Variants in LMX1A observed in about 807,000 individuals in gnomAD.
LMX1A encodes the protein LIM homeobox transcription factor 1 alpha.
Under a neutral mutation model 49.1 loss-of-function variants are expected in LMX1A, and 15 were observed. The ratio of observed to expected loss-of-function variants is 0.31; its 90% confidence interval spans 0.20 to 0.47. LMX1A has a LOEUF of 0.47. LMX1A is among the 20% of genes least tolerant of loss of function. The pLI is 1.00. For synonymous variants in LMX1A, 167 were observed against 185.7 expected (o/e 0.90, Z 0.82); for missense variants, 372 against 475.8 (o/e 0.78, Z 2.03).
intron 7 of LMX1A, chr1:165,207,716 A>G: frequency 1.1e-5 from 3 of 275,936 alleles, no homozygotes; most frequent in Non-Finnish European, 1.3e-5. Flanking sequence ...GGTGTCTTCT[A>G]TTAAATCAAT....
rs114712463 is a variant in LMX1A, at chr1:165,347,647, A to G, written c.263+5429T>C. ...ATTATTTTTAAATCTTTCCCTGTGG[A>G]TGTGATTGCACTTTTTTCTTCATAA... On this transcript the variant is annotated intron_variant, in intron 3 of 8. Coordinates refer to ENST00000342310, the MANE Select transcript of LMX1A (RefSeq NM_177398.4). Among the ~76,000 whole-genome samples, 474 of 152,362 alleles carry G rather than the reference A, an allele frequency of 3.1e-3. 7 individuals are homozygous for G. Among genetic ancestry groups the G allele is most frequent in the African/African-American group, 0.011 (454 of 41,584 alleles).
intron 3 of LMX1A, among the ~76,000 whole-genome samples, chr1:165,309,563 C>A (rs1051769311): frequency 6.6e-6 from 1 of 152,206 alleles, no homozygotes; most frequent in Non-Finnish European, 1.5e-5. Flanking sequence ...CATCTCCAGC[C>A]AAGATCTGCC....
intron 3 of LMX1A, among the ~76,000 whole-genome samples, chr1:165,285,671 T>C (rs923133567): frequency 6.6e-6 from 1 of 152,224 alleles, no homozygotes; most frequent in African/African-American, 2.4e-5. Flanking sequence ...CTCAGCCTGA[T>C]GGACTAGGGC....
intron 3 of LMX1A, among the ~76,000 whole-genome samples, chr1:165,334,629 T>C (rs1179621118): frequency 7.3e-6 from 1 of 136,360 alleles, no homozygotes; most frequent in South Asian, 2.6e-4. Context: ...ATGAGGAAGC[T>C]AAATACTGTG....
chr1:165,252,304 T>C (rs1304304384), intron 3 of LMX1A, among the ~76,000 whole-genome samples: 2 of 152,220 alleles, frequency 1.3e-5, no homozygotes, highest in Non-Finnish European at 2.9e-5. Flanking sequence ...TGACACATAA[T>C]AGATATCCAA....
intron 3 of LMX1A, among the ~76,000 whole-genome samples, chr1:165,260,109 G>A (rs571363720): frequency 4.1e-4 from 63 of 152,186 alleles, no homozygotes; most frequent in Admixed American, 1.0e-3. Context: ...CTTTTAGGGA[G>A]TTAAGGTTTG....
At chr1:165,272,894 G>A (rs890217342) in intron 3 of LMX1A, among the ~76,000 whole-genome samples, 6 of 152,180 alleles carry the variant, frequency 3.9e-5, no homozygotes, top group African/African-American at 1.4e-4. Flanking sequence ...GAGGAAGTAA[G>A]GACTTAGATC....
In LMX1A at chr1:165,355,781, T is replaced by C; in HGVS notation, c.-22-200A>G. 1 of 583,910 alleles carries C rather than the reference T, an allele frequency of 1.7e-6. No individual in the cohort carries two copies. Among genetic ancestry groups the C allele is most frequent in the Non-Finnish European group, 3.1e-6 (1 of 327,438 alleles). The allele number at this position is 583,910 out of a possible 1,614,324, so 36.2% of individuals were successfully genotyped here. On this transcript the variant is annotated intron_variant, in intron 1 of 8. Transcript: ENST00000342310. The surrounding 1 kb of genome is among the most constrained non-coding windows in gnomAD (Gnocchi z 4.7). Reference sequence around the variant, plus strand: ...ACTGCTCTGGCTGATCTGATTTCACTTGAAGTCAACACGTTATGTACTTAG... The same window carrying C: ...ACTGCTCTGGCTGATCTGATTTCACCTGAAGTCAACACGTTATGTACTTAG...
At chr1:165,226,721 G>T (rs1470146320) in intron 4 of LMX1A, among the ~76,000 whole-genome samples, 5 of 152,142 alleles carry the variant, frequency 3.3e-5, no homozygotes, top group African/African-American at 9.7e-5. Flanking sequence ...TCTATATAAG[G>T]GATGTGCATC....
intron 3 of LMX1A, among the ~76,000 whole-genome samples, chr1:165,332,699 C>T (rs1016944865): frequency 6.6e-6 from 1 of 152,100 alleles, no homozygotes; most frequent in Non-Finnish European, 1.5e-5. Context: ...TTTTGTTTCT[C>T]AACAACATTC....
At chr1:165,318,114 A>G (rs911039058) in intron 3 of LMX1A, among the ~76,000 whole-genome samples, 8 of 152,214 alleles carry the variant, frequency 5.3e-5, no homozygotes, top group Admixed American at 5.2e-4. Flanking sequence ...CCTTTCAAAA[A>G]GAAATCATTC....
intron 3 of LMX1A, among the ~76,000 whole-genome samples, chr1:165,349,224 G>T (rs114727058): frequency 6.6e-6 from 1 of 152,180 alleles, no homozygotes; most frequent in African/African-American, 2.4e-5. Context: ...CCACATTCCC[G>T]TTATTCAGCA....
At chr1:165,268,048 G>A (rs1571190929) in intron 3 of LMX1A, among the ~76,000 whole-genome samples, 1 of 152,134 alleles carries the variant, frequency 6.6e-6, no homozygotes, top group South Asian at 2.1e-4. Context: ...GGATGTAGGA[G>A]GGAAGTTGGG....
In LMX1A at chr1:165,320,236, A is replaced by G. The variant is rs183521937; in HGVS notation, c.263+32840T>C. On this transcript the variant is annotated intron_variant, in intron 3 of 8. Coordinates refer to ENST00000342310, the MANE Select transcript of LMX1A (RefSeq NM_177398.4). ...AGGCAGTACTACTGATAAATATCTC[A>G]TAACCTGGACTACTCAACCCAAGAA... is the stretch of plus-strand genomic sequence containing the variant. Among the ~76,000 whole-genome samples, 84 of 152,278 alleles carry G rather than the reference A, an allele frequency of 5.5e-4. 2 individuals carry two copies. Among genetic ancestry groups the G allele is most frequent in the Non-Finnish European group, 3.4e-4 (23 of 68,016 alleles).
chr1:165,311,631 G>A (rs986061799), intron 3 of LMX1A, among the ~76,000 whole-genome samples: 4 of 152,176 alleles, frequency 2.6e-5, no homozygotes, highest in African/African-American at 4.8e-5. Flanking sequence ...TCCCAGAATT[G>A]TCATCAAAGG....
At chr1:165,327,396 G>A (rs926654778) in intron 3 of LMX1A, among the ~76,000 whole-genome samples, 13 of 152,348 alleles carry the variant, frequency 8.5e-5, no homozygotes, top group Admixed American at 7.8e-4. Flanking sequence ...AAAGCCCCAG[G>A]TCACCCTGAT....
chr1:165,217,869 C>T (rs1651699822), intron 4 of LMX1A, among the ~76,000 whole-genome samples: 1 of 152,194 alleles, frequency 6.6e-6, no homozygotes, highest in Admixed American at 6.5e-5. Flanking sequence ...TATTCAATAT[C>T]TCATTCTCTT....
At chr1:165,283,686 C>G (rs1016714190) in intron 3 of LMX1A, among the ~76,000 whole-genome samples, 1 of 152,174 alleles carries the variant, frequency 6.6e-6, no homozygotes, top group East Asian at 1.9e-4. Flanking sequence ...TTCTCCAACT[C>G]GAATGTAATT....
chr1:165,318,370 C>T (rs112448759), intron 3 of LMX1A, among the ~76,000 whole-genome samples: 2,321 of 152,278 alleles, frequency 0.015, 46 homozygotes, highest in African/African-American at 0.043. Flanking sequence ...AGCCAAAGAA[C>T]GGAGAGGTGA....
Sources: gnomAD v4.1 joint callset for allele counts (sites outside exome capture counted in the v4.1 genomes callset) on GRCh38, gnomAD v4.1.1 for gene constraint, Gnocchi (gnomAD v3.1) non-coding constraint, MANE v1.5 for transcripts, NCBI Gene and HGNC (gene_info 2026-07-23, HGNC 2026-07-21) for gene names.